Variants in THSD7B observed in about 807,000 individuals in gnomAD.
THSD7B encodes thrombospondin type 1 domain containing 7B, also known as thrombospondin type-1 domain-containing protein 7B.
In THSD7B, 138 loss-of-function variants were observed where a neutral mutation model predicts 213.6. The observed-to-expected ratio is 0.65, with a 90% CI of 0.56 to 0.74. The LOEUF is 0.74. Among genes scored for constraint, THSD7B ranks in the 30% least tolerant of loss-of-function variants. The probability of loss-of-function intolerance (pLI) is 0.00; values close to 1 mark genes in which losing one functional copy is unlikely to be tolerated. For missense variants in THSD7B, 1,931 were observed against 1,991.5 expected, an observed-to-expected ratio of 0.97 and a Z score of 0.58; for synonymous variants, 742 against 687.0, an observed-to-expected ratio of 1.08 and a Z score of -1.25.
intron 7 of THSD7B, among the ~76,000 whole-genome samples, chr2:137,176,884 T>C (rs1680367982): frequency 6.6e-6 from 1 of 152,220 alleles, no homozygotes; most frequent in Admixed American, 6.5e-5. Flanking sequence ...CCCCACTTTG[T>C]GACTGGCTCC....
chr2:137,045,345 C>T (rs1348116383), intron 2 of THSD7B, among the ~76,000 whole-genome samples: 1 of 152,168 alleles, frequency 6.6e-6, no homozygotes, highest in East Asian at 1.9e-4. Flanking sequence ...CACTGCCATA[C>T]TGCAACATTC....
chr2:137,024,609 G>T (rs920365122), intron 2 of THSD7B, among the ~76,000 whole-genome samples: 2 of 151,834 alleles, frequency 1.3e-5, no homozygotes, highest in Middle Eastern at 3.2e-3. Context: ...TTATAATAAG[G>T]CCTAGCAACA....
At chr2:137,178,500 A>G (rs1466012979) in intron 7 of THSD7B, among the ~76,000 whole-genome samples, 1 of 152,244 alleles carries the variant, frequency 6.6e-6, no homozygotes, top group Non-Finnish European at 1.5e-5. Context: ...TACAGGAATC[A>G]GACTGCAAGG....
intron 15 of THSD7B, among the ~76,000 whole-genome samples, chr2:137,493,823 G>A (rs1288082916): frequency 6.6e-6 from 1 of 152,026 alleles, no homozygotes; most frequent in Non-Finnish European, 1.5e-5. Flanking sequence ...GAAGAGTGAT[G>A]CCAATCCAAG....
intron 7 of THSD7B, among the ~76,000 whole-genome samples, chr2:137,206,450 C>G (rs1263130188): frequency 1.3e-5 from 2 of 152,020 alleles, no homozygotes; most frequent in African/African-American, 4.8e-5. Context: ...AGGTTTTCAG[C>G]CCTGACTGCG....
At chr2:136,907,234 C>T (rs1344292494) in intron 2 of THSD7B, among the ~76,000 whole-genome samples, 1 of 152,006 alleles carries the variant, frequency 6.6e-6, no homozygotes, top group Non-Finnish European at 1.5e-5. Context: ...TGTGAGCCAC[C>T]ACTCCTGGGC....
intron 16 of THSD7B, among the ~76,000 whole-genome samples, chr2:137,564,580 C>A (rs972625095): frequency 1.3e-5 from 2 of 152,076 alleles, no homozygotes; most frequent in African/African-American, 4.8e-5. Context: ...AACGATTGAC[C>A]AACCTAGCTT....
rs182871384 is a variant in THSD7B, at chr2:137,331,076, T to G, written c.2500+55050T>G. Among the ~76,000 whole-genome samples, 356 of 151,958 alleles carry G rather than the reference T, an allele frequency of 2.3e-3. 1 individual carries two copies. Among genetic ancestry groups the G allele is most frequent in the African/African-American group, 8.2e-3 (340 of 41,412 alleles). On this transcript the variant is annotated intron_variant, in intron 12 of 27. Transcript: ENST00000409968. ...CCCTGAGCTAGATGCAGGGTGCTGA[T>G]TGGTGTGTTTACAAACCTTGAGCTA...
intron 1 of THSD7B, among the ~76,000 whole-genome samples, chr2:136,771,451 C>G (rs1421656504): frequency 6.6e-6 from 1 of 152,166 alleles, no homozygotes; most frequent in Non-Finnish European, 1.5e-5. Context: ...CAATTTAACT[C>G]TTGCCTGTCG....
chr2:137,379,699 T>C (rs1426238669), intron 12 of THSD7B, among the ~76,000 whole-genome samples: 2 of 152,216 alleles, frequency 1.3e-5, no homozygotes, highest in Non-Finnish European at 2.9e-5. Context: ...GATATGAATA[T>C]GTAGAGTGGT....
chr2:137,108,161 T>G lies in THSD7B; in HGVS notation c.1200-6963T>G, dbSNP rs541949124. ...ACCATTAACTAATGCAATTATTCTT[T>G]CAATCTGTCATCATTAAATCACTTA... On this transcript the variant is annotated intron_variant, in intron 4 of 27. Transcript: ENST00000409968. Among the ~76,000 whole-genome samples the G allele has an allele frequency of 1.2e-3, 188 of 152,366 alleles. 1 individual carries two copies. The highest frequency in any genetic ancestry group is 4.4e-3 in the African/African-American group (183 of 41,596).
At chr2:137,347,339 A>C (rs574247814) in intron 12 of THSD7B, among the ~76,000 whole-genome samples, 1 of 151,700 alleles carries the variant, frequency 6.6e-6, no homozygotes, top group Non-Finnish European at 1.5e-5. Flanking sequence ...TACGAGTTAC[A>C]TGTTACCATA....
At chr2:137,196,762 T>C (rs1481683708) in intron 7 of THSD7B, among the ~76,000 whole-genome samples, 1 of 152,132 alleles carries the variant, frequency 6.6e-6, no homozygotes, top group Non-Finnish European at 1.5e-5. Flanking sequence ...GAAACATAAA[T>C]GAATGTCATG....
chr2:137,297,098 T>C lies in THSD7B; in HGVS notation c.2500+21072T>C, dbSNP rs953745048. Among the ~76,000 whole-genome samples, 4 of 149,492 alleles carry C rather than the reference T, an allele frequency of 2.7e-5. No individual in the cohort carries two copies. In the Admixed American group the frequency reaches 2.7e-4, roughly 10 times the overall value. ...GTTGTCTTTTTCAAACAATTACTGA[T>C]GTGAATATTGGAGGGGGGTCCCAGA... On this transcript the variant is annotated intron_variant, in intron 12 of 27. Coordinates refer to ENST00000409968, the MANE Select transcript of THSD7B (RefSeq NM_001316349.2).
intron 1 of THSD7B, among the ~76,000 whole-genome samples, chr2:136,879,274 A>T (rs1465440718): frequency 6.6e-6 from 1 of 151,932 alleles, no homozygotes; most frequent in East Asian, 1.9e-4. Flanking sequence ...CCATTGGTCT[A>T]TTTCTCTGTT....
chr2:137,322,370 G>A (rs1291292255), intron 12 of THSD7B, among the ~76,000 whole-genome samples: 1 of 152,176 alleles, frequency 6.6e-6, no homozygotes, highest in Non-Finnish European at 1.5e-5. Flanking sequence ...GAGGAGTAGG[G>A]CACATAGCAT....
intron 9 of THSD7B, among the ~76,000 whole-genome samples, chr2:137,239,005 ATTAG>A (rs1681841040): frequency 6.6e-6 from 1 of 152,216 alleles, no homozygotes; most frequent in South Asian, 2.1e-4. Context: ...ATCTTTTAAT[ATTAG>A]TTTATTTTTT....
chr2:137,301,228 C>T lies in THSD7B; in HGVS notation c.2500+25202C>T, dbSNP rs182467793. Among the ~76,000 whole-genome samples, 53 of 152,168 alleles carry T rather than the reference C, an allele frequency of 3.5e-4. 1 individual carries two copies. The highest frequency in any genetic ancestry group is 1.2e-3 in the African/African-American group (49 of 41,548). On this transcript the variant is annotated intron_variant, in intron 12 of 27. Coordinates refer to ENST00000409968, the MANE Select transcript of THSD7B (RefSeq NM_001316349.2). ...TTTGAACTGCTGCTCCTGAGTTTCC[C>T]TTTATGGTTCCCAGGTGACTGGCTG...
chr2:136,836,155 ATAT>A (rs1403686011), intron 1 of THSD7B, among the ~76,000 whole-genome samples: 1 of 152,216 alleles, frequency 6.6e-6, no homozygotes, highest in African/African-American at 2.4e-5. Context: ...CATTTTGGAA[ATAT>A]TATTGTATTA....
Sources: allele counts gnomAD v4.1 joint callset (sites outside exome capture counted in the v4.1 genomes callset), GRCh38; gene constraint gnomAD v4.1.1; transcripts MANE v1.5; gene names NCBI Gene and HGNC (gene_info 2026-07-23, HGNC 2026-07-21).